PTPRR: variants seen among roughly 807,000 people sequenced by gnomAD.
The protein encoded by PTPRR is protein tyrosine phosphatase receptor type R.
In PTPRR, 38 loss-of-function variants were observed where a neutral mutation model predicts 77.2. That is an observed-to-expected ratio of 0.49 (90% CI 0.38 to 0.65). The LOEUF is 0.65. Among genes scored for constraint, PTPRR ranks in the 30% least tolerant of loss-of-function variants. PTPRR has a pLI of 0.00. For missense variants in PTPRR, 744 were observed against 799.2 expected (o/e 0.93, Z 0.83); for synonymous variants, 299 against 283.1 (o/e 1.06, Z -0.57).
chr12:70,890,298 C>T (rs930415957), intron 2 of PTPRR, among the ~76,000 whole-genome samples: 2 of 151,980 alleles, frequency 1.3e-5, no homozygotes, highest in African/African-American at 4.8e-5. Context: ...TTGTACTCTC[C>T]TTGTAACAAA....
intron 6 of PTPRR, among the ~76,000 whole-genome samples, chr12:70,701,794 A>G (rs564378742): frequency 3.3e-5 from 5 of 151,998 alleles, no homozygotes; most frequent in East Asian, 1.9e-4. Flanking sequence ...GCAACATGGT[A>G]AAACCCTGTC....
chr12:70,750,196 T>C (rs1592731037), intron 5 of PTPRR, among the ~76,000 whole-genome samples: 1 of 152,230 alleles, frequency 6.6e-6, no homozygotes, highest in Admixed American at 6.5e-5. Flanking sequence ...ATGCCACTTT[T>C]CAAAAATTCT....
chr12:70,720,330 A>G lies in PTPRR; in HGVS notation c.1008-19007T>C, dbSNP rs1024332310. Among the ~76,000 whole-genome samples, 3 of 152,066 alleles carry G rather than the reference A, an allele frequency of 2.0e-5. No individual in the cohort carries two copies. The East Asian group carries it at 5.8e-4, about 29-fold the overall frequency. On this transcript the variant is annotated intron_variant, in intron 6 of 13. Coordinates refer to ENST00000283228, the MANE Select transcript of PTPRR (RefSeq NM_002849.4). ...TCCTTATCATTAAATTTGAGATGATATAATTTACCCACCTGAGGTGGATAT... is the reference window on the plus strand; with the variant it reads ...TCCTTATCATTAAATTTGAGATGATGTAATTTACCCACCTGAGGTGGATAT...
intron 13 of PTPRR, among the ~76,000 whole-genome samples, chr12:70,655,336 G>A (rs1886537614): frequency 1.3e-5 from 2 of 152,118 alleles, no homozygotes; most frequent in South Asian, 2.1e-4. Context: ...TACTATGATG[G>A]TTTTCTCAAA....
In PTPRR at chr12:70,746,012, T is replaced by G. The variant is rs935725388; in HGVS notation, c.813A>C (p.Leu271=). ...QDKEKNQEIH[L]SPITLQPALS... Reference sequence around the variant, plus strand: ...GTGCTGGCTGTAATGTGATGGGCGATAGGTGGATCTCCTGGTTTTTCTCTT... The same window carrying G: ...GTGCTGGCTGTAATGTGATGGGCGAGAGGTGGATCTCCTGGTTTTTCTCTT... Residue 271 remains leucine (L), a synonymous_variant, in exon 6 of 14, where the codon CTA becomes CTC. Transcript: ENST00000283228. 3 of 1,613,802 alleles carry G rather than the reference T, an allele frequency of 1.9e-6. No individual in the cohort carries two copies. Among genetic ancestry groups the G allele is most frequent in the Admixed American group, 1.7e-5 (1 of 59,996 alleles).
intron 13 of PTPRR, among the ~76,000 whole-genome samples, chr12:70,644,878 G>A (rs1327615170): frequency 6.6e-6 from 1 of 152,154 alleles, no homozygotes; most frequent in East Asian, 1.9e-4. Flanking sequence ...AGTAGGCTTG[G>A]AGTCTGACAG....
intron 2 of PTPRR, among the ~76,000 whole-genome samples, chr12:70,787,064 A>C (rs1344750879): frequency 2.0e-5 from 3 of 152,196 alleles, no homozygotes; most frequent in Non-Finnish European, 4.4e-5. Flanking sequence ...GAACTGTCTC[A>C]TTTCTAGAAA....
intron 6 of PTPRR, among the ~76,000 whole-genome samples, chr12:70,733,480 AAG>A (rs570757171): frequency 0.49 from 41,580 of 85,364 alleles, 7,148 homozygotes; most frequent in East Asian, 0.65. Flanking sequence ...CAAAAAAAAA[AAG>A]AAAAAAAAAG....
chr12:70,787,408 G>C (rs888657991), intron 2 of PTPRR, among the ~76,000 whole-genome samples: 13 of 152,152 alleles, frequency 8.5e-5, no homozygotes, highest in African/African-American at 2.4e-4. Context: ...AAATTAACTT[G>C]AAGAGTATGA....
At chr12:70,774,693 A>G (rs1276794440) in intron 2 of PTPRR, among the ~76,000 whole-genome samples, 3 of 152,240 alleles carry the variant, frequency 2.0e-5, no homozygotes, top group Non-Finnish European at 4.4e-5. Context: ...GCTAAAATAT[A>G]GTACAAACAG....
intron 6 of PTPRR, among the ~76,000 whole-genome samples, chr12:70,723,696 C>G (rs1889338470): frequency 6.6e-6 from 1 of 152,062 alleles, no homozygotes; most frequent in Non-Finnish European, 1.5e-5. Flanking sequence ...AAAGCATCAA[C>G]AAATTTACCT....
chr12:70,911,761 A>AAC (rs1272388047), intron 1 of PTPRR, among the ~76,000 whole-genome samples: 5 of 151,828 alleles, frequency 3.3e-5, no homozygotes, highest in Admixed American at 2.6e-4. Flanking sequence ...AAAAAAAAAA[A>AAC]AAAAAACCAC....
chr12:70,717,788 T>C (rs1455437706), intron 6 of PTPRR, among the ~76,000 whole-genome samples: 1 of 152,160 alleles, frequency 6.6e-6, no homozygotes, highest in Non-Finnish European at 1.5e-5. Flanking sequence ...TTTGTAGGTG[T>C]GAAAAGGAAA....
intron 6 of PTPRR, among the ~76,000 whole-genome samples, chr12:70,719,392 C>A (rs773419818): frequency 7.2e-5 from 11 of 152,108 alleles, no homozygotes; most frequent in Non-Finnish European, 1.3e-4. Context: ...TCCAGAAGAT[C>A]ATATCTACAG....
At chr12:70,678,600 T>A (rs757826560) in intron 10 of PTPRR, among the ~76,000 whole-genome samples, 29 of 152,222 alleles carry the variant, frequency 1.9e-4, no homozygotes, top group Non-Finnish European at 2.5e-4. Context: ...TTTTTCTGTC[T>A]GTATTTCATT....
At chr12:70,705,154 G>A (rs1461189922) in intron 6 of PTPRR, among the ~76,000 whole-genome samples, 1 of 152,030 alleles carries the variant, frequency 6.6e-6, no homozygotes, top group Non-Finnish European at 1.5e-5. Context: ...ATGGGCCAGG[G>A]CGACACATCC....
At chr12:70,673,043 A>AG (rs1887302611) in intron 10 of PTPRR, 6 of 1,059,036 alleles carry the variant, frequency 5.7e-6, no homozygotes, top group Non-Finnish European at 7.3e-6. Context: ...AAAAAAAAAA[A>AG]AAAAAAGAAA....
At chr12:70,739,384 C>A (rs1254829949) in intron 6 of PTPRR, among the ~76,000 whole-genome samples, 1 of 152,120 alleles carries the variant, frequency 6.6e-6, no homozygotes, top group Non-Finnish European at 1.5e-5. Flanking sequence ...ATCCGTTGAG[C>A]CACTTATTTA....
intron 2 of PTPRR, among the ~76,000 whole-genome samples, chr12:70,824,404 G>A (rs908860507): frequency 6.6e-6 from 1 of 151,934 alleles, no homozygotes; most frequent in African/African-American, 2.4e-5. Flanking sequence ...TTTTTAAAAT[G>A]TAAGAAATAA....
Sources: gnomAD v4.1 joint callset for allele counts (sites outside exome capture counted in the v4.1 genomes callset) on GRCh38, gnomAD v4.1.1 for gene constraint, MANE v1.5 for transcripts, NCBI Gene and HGNC (gene_info 2026-07-23, HGNC 2026-07-21) for gene names.